The following DOCK9 variants were observed in gnomAD, a reference collection of about 807,000 sequenced individuals.
The protein encoded by DOCK9 is dedicator of cytokinesis 9, also known as dedicator of cytokinesis protein 9.
In DOCK9, 89 loss-of-function variants were observed where a neutral mutation model predicts 263.3. The ratio of observed to expected loss-of-function variants is 0.34; its 90% confidence interval spans 0.28 to 0.40. The LOEUF is 0.40. Ranked by LOEUF, DOCK9 falls within the 10% of genes least tolerant of loss-of-function variation. The pLI is 1.00. For missense variants in DOCK9, 2,140 were observed against 2,603.4 expected, an observed-to-expected ratio of 0.82 and a Z score of 3.87; for synonymous variants, 976 against 973.1, an observed-to-expected ratio of 1.00 and a Z score of -0.06.
chr13:98,812,127 A>ATTTT (rs56880707), intron 45 of DOCK9, among the ~76,000 whole-genome samples: 2 of 77,644 alleles, frequency 2.6e-5, no homozygotes, highest in East Asian at 4.9e-4. Context: ...AAACCACAGG[A>ATTTT]TTTTTTTTTT....
chr13:98,923,370 T>C lies in DOCK9; in HGVS notation c.418A>G (p.Lys140Glu), dbSNP rs2052390994. 6.2e-7 allele frequency: 1 copy of C among 1,613,708 alleles called. No individual in the cohort carries two copies. Among genetic ancestry groups the C allele is most frequent in the East Asian group, 2.2e-5 (1 of 44,870 alleles). The change falls in exon 5 of 53, where the codon AAA becomes GAA. Residue 140 changes from lysine to glutamate, a missense_variant and splice_region_variant. By Grantham distance (56) the Lys-to-Glu change is moderately conservative (BLOSUM62 1). Around this residue, in one of 2 missense-constraint regions of DOCK9, gnomAD observed 1,521 missense variants for 1,741.7 expected, o/e 0.87. Transcript: ENST00000682017. Reference sequence around the variant, plus strand: ...GGAAGTTTATCCAACTTGACCACTTTGCTATAAAAACAACAAAGAAAATTT... The same window carrying C: ...GGAAGTTTATCCAACTTGACCACTTCGCTATAAAAACAACAAAGAAAATTT... Reference protein sequence around the residue: ...YSGEFRQLPNKVVKLDKLPVH... With the variant: ...YSGEFRQLPNEVVKLDKLPVH...
At chr13:98,934,120 G>A (rs2054430031) in intron 2 of DOCK9, among the ~76,000 whole-genome samples, 1 of 151,924 alleles carries the variant, frequency 6.6e-6, no homozygotes, top group South Asian at 2.1e-4. Flanking sequence ...GTCCAGGCTG[G>A]TCTTGAACTC....
intron 4 of DOCK9, 68 bp from the exon 5 acceptor site, chr13:98,923,439 C>T: frequency 7.4e-7 from 1 of 1,345,660 alleles, no homozygotes; most frequent in Non-Finnish European, 1.1e-6. Context: ...GCATTTCTTC[C>T]TCCATCATAG....
intron 50 of DOCK9, among the ~76,000 whole-genome samples, chr13:98,798,926 A>G (rs186518164): frequency 6.6e-6 from 1 of 152,290 alleles, no homozygotes; most frequent in Admixed American, 6.5e-5. Flanking sequence ...GTCCAGCCCT[A>G]CCCTGGACTG....
intron 2 of DOCK9, among the ~76,000 whole-genome samples, chr13:98,942,251 T>TTTTTTG (rs2056046668): frequency 6.6e-6 from 1 of 151,256 alleles, no homozygotes; most frequent in African/African-American, 2.4e-5. Context: ...TTTTTTTGTT[T>TTTTTTG]TTTTGAGACA....
chr13:98,797,448 A>C lies in DOCK9; in HGVS notation c.5958T>G (p.Asp1986Glu). 1 of 1,613,436 alleles carries C rather than the reference A, an allele frequency of 6.2e-7. No individual in the cohort carries two copies. The highest frequency in any genetic ancestry group is 8.5e-7 in the Non-Finnish European group (1 of 1,179,648). ...CAGGATATCGCTTTGTGTTTGTATC[A>C]TCTAAGAAAGCTCGCGCATATGCTA... ...GPLAYARAFL[D>E]DTNTKRYPDN... Residue 1986 changes from aspartate to glutamate, a missense_variant, in exon 51 of 53, where the codon GAT becomes GAG. Physicochemically the swap from Asp to Glu is conservative, Grantham distance 45. This residue lies in a region of DOCK9 where 619 missense variants were observed against 861.8 expected (regional missense o/e 0.72). Coordinates refer to ENST00000682017, the MANE Select transcript of DOCK9 (RefSeq NM_001366683.2).
intron 1 of DOCK9, among the ~76,000 whole-genome samples, chr13:99,020,301 A>C (rs552127421): frequency 6.6e-6 from 1 of 152,168 alleles, no homozygotes; most frequent in Non-Finnish European, 1.5e-5. Context: ...TAAATTCAAC[A>C]ATTTCTGAAC....
chr13:98,846,700 C>T (rs1264646042), intron 37 of DOCK9: 2 of 480,330 alleles, frequency 4.2e-6, no homozygotes, highest in East Asian at 6.4e-5. Flanking sequence ...CGGAGCCAAC[C>T]GTCCCCCTCA....
chr13:98,935,058 T>C lies in DOCK9; in HGVS notation c.244-4801A>G, dbSNP rs558217223. 3.9e-5 allele frequency among the ~76,000 whole-genome samples: 6 copies of C among 152,216 alleles called. No homozygotes were observed. In the South Asian group the frequency reaches 1.2e-3, roughly 32 times the overall value. ...AAAAGAGCACAGAAGCACAGGATGA[T>C]ATGAGAGAAAAAAGTTAGGGAGTCT... On this transcript the variant is annotated intron_variant, in intron 2 of 52. Coordinates refer to ENST00000682017, the MANE Select transcript of DOCK9 (RefSeq NM_001366683.2).
At chr13:98,949,691 C>G (rs539406487) in intron 2 of DOCK9, 2 of 243,990 alleles carry the variant, frequency 8.2e-6, no homozygotes, top group East Asian at 1.2e-4. Context: ...CACGCTTCCA[C>G]TACACTGTGC....
rs1386690114 is a variant in DOCK9 at position 98,885,081 on chromosome 13, A to T, written c.2272T>A (p.Trp758Arg). The stretch of plus-strand genomic sequence containing the variant: ...CTTCCGTCTTTCAGGAGGGGAAGCC[A>T]GGAGTAGCCAACTGTTGAAAACAAA... ...DVVETQVGYS[W>R]LPLLKDGRVV... Residue 758 changes from tryptophan to arginine, a missense_variant, in exon 21 of 53, where the codon TGG becomes AGG. Trp to Arg is a moderately radical substitution (Grantham distance 101, BLOSUM62 -3). Coordinates refer to ENST00000682017, the MANE Select transcript of DOCK9 (RefSeq NM_001366683.2). The T allele has an allele frequency of 6.2e-7, 1 of 1,613,564 alleles. No homozygotes were observed. Among genetic ancestry groups the T allele is most frequent in the Non-Finnish European group, 8.5e-7 (1 of 1,179,796 alleles).
intron 1 of DOCK9, among the ~76,000 whole-genome samples, chr13:99,030,763 G>A (rs1595943523): frequency 6.6e-6 from 1 of 152,168 alleles, no homozygotes; most frequent in African/African-American, 2.4e-5. Context: ...CACTGAAATT[G>A]TGCTTGACTT....
At chr13:99,041,194 G>A (rs1888421797) in intron 1 of DOCK9, among the ~76,000 whole-genome samples, 1 of 152,132 alleles carries the variant, frequency 6.6e-6, no homozygotes, top group Non-Finnish European at 1.5e-5. Flanking sequence ...TTTTTAAAAT[G>A]TTCTACTGGC....
chr13:98,966,987 C>T (rs1169290246), intron 1 of DOCK9, among the ~76,000 whole-genome samples: 1 of 152,236 alleles, frequency 6.6e-6, no homozygotes, highest in African/African-American at 2.4e-5. Flanking sequence ...TGGGGCCTCA[C>T]AGTCTGTGTT....
chr13:99,064,425 GA>G (rs1346843514), intron 1 of DOCK9, among the ~76,000 whole-genome samples: 1 of 152,104 alleles, frequency 6.6e-6, no homozygotes, highest in African/African-American at 2.4e-5. Flanking sequence ...CTAAGAGGAG[GA>G]AAACTGAGAA....
intron 9 of DOCK9, among the ~76,000 whole-genome samples, chr13:98,910,078 C>G (rs2049772692): frequency 6.6e-6 from 1 of 152,126 alleles, no homozygotes; most frequent in Admixed American, 6.5e-5. Context: ...AGCTCACAAA[C>G]AGAAAAGCTG....
chr13:98,830,222 A>T (rs1334412318), intron 41 of DOCK9, among the ~76,000 whole-genome samples: 2 of 152,220 alleles, frequency 1.3e-5, no homozygotes, highest in Non-Finnish European at 2.9e-5. Context: ...TGGCTCAATG[A>T]ATAGCACTGC....
chr13:98,886,682 T>G (rs1430379411), intron 18 of DOCK9, 58 bp from the exon 19 acceptor site: 5 of 1,474,186 alleles, frequency 3.4e-6, no homozygotes, highest in Middle Eastern at 1.7e-4. Flanking sequence ...GAAATTAAAC[T>G]TGGATATATC....
At chr13:99,078,460 G>A (rs555396191) in intron 1 of DOCK9, among the ~76,000 whole-genome samples, 2 of 152,316 alleles carry the variant, frequency 1.3e-5, no homozygotes, top group East Asian at 3.9e-4. Context: ...GTCGTATGGG[G>A]TGAGCCCTGA....
Sources: gnomAD v4.1 joint callset for allele counts (sites outside exome capture counted in the v4.1 genomes callset) on GRCh38, gnomAD v4.1.1 for gene constraint, gnomAD v4.1.1 regional missense constraint, MANE v1.5 for transcripts, NCBI Gene and HGNC (gene_info 2026-07-23, HGNC 2026-07-21) for gene names.